Variants in SYPL2 observed in about 807,000 individuals in gnomAD.
SYPL2 encodes synaptophysin-like protein 2.
SYPL2 carries 24 observed loss-of-function variants against 31.3 expected under a neutral mutation model. The observed-to-expected ratio is 0.77, with a 90% CI of 0.56 to 1.08. The LOEUF is 1.08. Ranked by LOEUF, SYPL2 falls within the 50% of genes least tolerant of loss-of-function variation. SYPL2 has a pLI of 0.00. For missense variants in SYPL2, 342 were observed against 360.1 expected, an observed-to-expected ratio of 0.95 and a Z score of 0.41; for synonymous variants, 144 against 143.1, an observed-to-expected ratio of 1.01 and a Z score of -0.05.
At chr1:109,479,297 C>T in intron 5 of SYPL2, 81 bp from the exon 6 acceptor site, 3 of 1,515,268 alleles carry the variant, frequency 2.0e-6, no homozygotes, top group Middle Eastern at 1.8e-4. Context: ...GCCCCAACCC[C>T]AACTGCAATA....
chr1:109,472,112 A>C (rs1655852982), intron 2 of SYPL2, among the ~76,000 whole-genome samples: 1 of 151,754 alleles, frequency 6.6e-6, no homozygotes, highest in Non-Finnish European at 1.5e-5. Context: ...CCCCATGAGG[A>C]CAGAGATTTT....
In SYPL2 at chr1:109,466,778, C is replaced by G. The variant is rs2100996856; in HGVS notation, c.-66C>G. ...GACCTGCAGCTCCCCGCTCCCCCGCCGTGTCCGCCGCCTCCCGGCCAGAGA... is the reference window on the plus strand; with the variant it reads ...GACCTGCAGCTCCCCGCTCCCCCGCGGTGTCCGCCGCCTCCCGGCCAGAGA... On this transcript the variant is annotated 5_prime_UTR_variant, in exon 1 of 6. Coordinates refer to ENST00000369872, the MANE Select transcript of SYPL2 (RefSeq NM_001040709.2). The G allele has an allele frequency of 6.9e-7, 1 of 1,451,656 alleles. No individual in the cohort carries two copies. The allele number at this position is 1,451,656 out of a possible 1,614,324, so 89.9% of individuals were successfully genotyped here. A position where few individuals can be genotyped will look rare whatever the true frequency, so the allele number is the denominator to read the frequency against.
intron 2 of SYPL2, among the ~76,000 whole-genome samples, chr1:109,474,651 T>C (rs1184464511): frequency 6.6e-6 from 1 of 152,146 alleles, no homozygotes; most frequent in Non-Finnish European, 1.5e-5. Context: ...TCTCACCTCC[T>C]TTTCTAACCA....
At chr1:109,466,942 A>ATTT in intron 1 of SYPL2, 45 bp downstream of exon 1, 2 of 1,532,716 alleles carry the variant, frequency 1.3e-6, no homozygotes, top group Admixed American at 3.9e-5. Context: ...CTCTCCACCT[A>ATTT]GATGTCGGGC....
intron 2 of SYPL2, among the ~76,000 whole-genome samples, chr1:109,467,482 G>A (rs1655689443): frequency 6.6e-6 from 1 of 152,162 alleles, no homozygotes; most frequent in South Asian, 2.1e-4. Flanking sequence ...GGGGGGAGAA[G>A]GACGACGGGG....
At chr1:109,475,892 G>A (rs887958821) in intron 3 of SYPL2, among the ~76,000 whole-genome samples, 187 bp downstream of exon 3, 9 of 152,176 alleles carry the variant, frequency 5.9e-5, no homozygotes, top group African/African-American at 7.2e-5. Context: ...AGAGCAAAAC[G>A]TAAGGGAAAT....
chr1:109,467,056 C>A lies in SYPL2; in HGVS notation c.55-3C>A. The A allele has an allele frequency of 6.5e-7, 1 of 1,544,638 alleles. No individual in the cohort carries two copies. Among genetic ancestry groups the A allele is most frequent in the Non-Finnish European group, 8.7e-7 (1 of 1,145,892 alleles). On this transcript the variant is annotated splice_polypyrimidine_tract_variant and splice_region_variant and intron_variant, in intron 1 of 5. Coordinates refer to ENST00000369872, the MANE Select transcript of SYPL2 (RefSeq NM_001040709.2). ...GACCCCCCGGCCGGCTGTGTCTCCG[C>A]AGGTGGACCGCCTACTCGTGGGGCT...
intron 2 of SYPL2, among the ~76,000 whole-genome samples, chr1:109,468,423 G>A (rs978311120): frequency 6.6e-6 from 1 of 152,206 alleles, no homozygotes; most frequent in African/African-American, 2.4e-5. Flanking sequence ...GCCAGCCTGG[G>A]AGCTCCCAAG....
Position 109,466,968 on chromosome 1 carries a change from C to A in SYPL2, c.54+71C>A. 3.3e-6 allele frequency: 5 copies of A among 1,536,088 alleles called. No individual in the cohort carries two copies. In the South Asian group the frequency reaches 6.0e-5, roughly 18 times the overall value. On this transcript the variant is annotated intron_variant, in intron 1 of 5. Transcript: ENST00000369872. ...GATGTCGGGCTGCACACTTATCCCA[C>A]CCCTGGACCGCGTGTGAGTGGGGCA...
At chr1:109,471,707 A>C (rs981165616) in intron 2 of SYPL2, among the ~76,000 whole-genome samples, 1 of 151,598 alleles carries the variant, frequency 6.6e-6, no homozygotes, top group African/African-American at 2.4e-5. Context: ...GAGCCACCAC[A>C]CCCGGCCTGA....
At chr1:109,473,205 ACTCTT>A (rs1655885741) in intron 2 of SYPL2, among the ~76,000 whole-genome samples, 2 of 151,932 alleles carry the variant, frequency 1.3e-5, no homozygotes, top group Non-Finnish European at 2.9e-5. Context: ...GCTTCGAGTG[ACTCTT>A]CTCTACCTCT....
Position 109,478,715 on chromosome 1 carries a change from G to T in SYPL2, c.649-663G>T, listed in dbSNP as rs2101007666. Among the ~76,000 whole-genome samples the T allele has an allele frequency of 6.6e-6, 1 of 152,220 alleles. No homozygotes were observed. Among genetic ancestry groups the T allele is most frequent in the Admixed American group, 6.5e-5 (1 of 15,286 alleles). ...CCCAAAAAAATTTTATTGTAGAAAT[G>T]TTCACAGGTACAACAAAGTTGAAAG... On this transcript the variant is annotated intron_variant, in intron 5 of 5. Coordinates refer to ENST00000369872, the MANE Select transcript of SYPL2 (RefSeq NM_001040709.2). This position sits in a 1 kb window ranked among gnomAD's most constrained non-coding sequence, Gnocchi z 4.0.
intron 1 of SYPL2, 29 bp downstream of exon 1, chr1:109,466,926 C>A: frequency 6.5e-7 from 1 of 1,532,228 alleles, no homozygotes; most frequent in Non-Finnish European, 8.7e-7. Flanking sequence ...GGACTCTCAC[C>A]CGCCCCTCTC....
At position 109,479,507 on chromosome 1, in the gene SYPL2, C is replaced by T; in HGVS notation, c.778C>T (p.Gln260Ter). The T allele has an allele frequency of 1.2e-6, 2 of 1,614,212 alleles. No individual in the cohort carries two copies. The highest frequency in any genetic ancestry group is 1.7e-6 in the Non-Finnish European group (2 of 1,180,034). ...CCAGGACCAGGGCCAGGGTCCCAGC[C>T]AGGAGAGTGCAGCTGAGCAGGGAGC... is the stretch of plus-strand genomic sequence containing the variant. ...QDQDQGQGPS[Q>*]ESAAEQGAVE... is the part of the protein sequence containing the mutation. The change falls in exon 6 of 6, where the codon CAG becomes TAG. Residue 260 changes from glutamine (Q) to a stop codon, truncating the protein, a stop_gained. Coordinates refer to ENST00000369872, the MANE Select transcript of SYPL2 (RefSeq NM_001040709.2). LOFTEE classifies it high-confidence loss of function.
intron 2 of SYPL2, among the ~76,000 whole-genome samples, chr1:109,474,507 A>C (rs1307352815): frequency 6.6e-6 from 1 of 151,308 alleles, no homozygotes; most frequent in African/African-American, 2.4e-5. Context: ...CGCCAGGCTG[A>C]TTTTTGTATT....
intron 3 of SYPL2, 95 bp from the exon 4 acceptor site, chr1:109,476,680 TA>T: frequency 7.7e-7 from 1 of 1,305,248 alleles, no homozygotes. Flanking sequence ...CTTGGCTCTG[TA>T]AGAGTCCCCT....
intron 2 of SYPL2, among the ~76,000 whole-genome samples, chr1:109,469,696 T>C (rs1016120092): frequency 6.6e-6 from 1 of 150,790 alleles, no homozygotes; most frequent in East Asian, 1.9e-4. Context: ...ATAAAATTAG[T>C]TGGGTGTGAT....
At chr1:109,475,472 C>G (rs1413494504) in intron 2 of SYPL2, 109 bp from the exon 3 acceptor site, 3 of 1,414,604 alleles carry the variant, frequency 2.1e-6, no homozygotes, top group Admixed American at 2.2e-5. Flanking sequence ...GATCCTCACT[C>G]TCCCCCACTC....
chr1:109,469,347 A>G (rs1655751826), intron 2 of SYPL2, among the ~76,000 whole-genome samples: 1 of 148,910 alleles, frequency 6.7e-6, no homozygotes, highest in Non-Finnish European at 1.5e-5. Flanking sequence ...TTATTCTTTT[A>G]TTTGTCAGGA....
Sources: allele counts gnomAD v4.1 joint callset (sites outside exome capture counted in the v4.1 genomes callset), GRCh38; gene constraint gnomAD v4.1.1; non-coding constraint Gnocchi (gnomAD v3.1); transcripts MANE v1.5; gene names NCBI Gene and HGNC (gene_info 2026-07-23, HGNC 2026-07-21).